The following MAPKAP1 variants were observed in gnomAD, a reference collection of about 807,000 sequenced individuals.
The protein encoded by MAPKAP1 is target of rapamycin complex 2 subunit MAPKAP1.
A neutral mutation model predicts 65.7 loss-of-function variants in MAPKAP1; 20 were observed. The ratio of observed to expected loss-of-function variants is 0.30; its 90% CI spans 0.21 to 0.44. MAPKAP1 has a LOEUF of 0.44. Ranked by LOEUF, MAPKAP1 falls within the 20% of genes least tolerant of loss-of-function variation. The probability of loss-of-function intolerance (pLI) is 1.00; values close to 1 mark genes in which losing one functional copy is unlikely to be tolerated. For synonymous variants in MAPKAP1, 222 were observed against 244.3 expected, an observed-to-expected ratio of 0.91 and a Z score of 0.85; for missense variants, 423 against 648.0, an observed-to-expected ratio of 0.65 and a Z score of 3.77.
chr9:125,649,153 G>A (rs1312163874), intron 4 of MAPKAP1, among the ~76,000 whole-genome samples: 6 of 152,136 alleles, frequency 3.9e-5, no homozygotes, highest in Non-Finnish European at 8.8e-5. Context: ...AAGGCTGAAT[G>A]TAAAATGACA....
At chr9:125,497,199 G>A (rs1828832495) in intron 8 of MAPKAP1, among the ~76,000 whole-genome samples, 1 of 152,114 alleles carries the variant, frequency 6.6e-6, no homozygotes, top group Non-Finnish European at 1.5e-5. Context: ...CCTCCTGCAT[G>A]ACTACCCACC....
intron 4 of MAPKAP1, 52 bp from the exon 5 acceptor site, chr9:125,585,779 C>A (rs1024114188): frequency 4.5e-6 from 7 of 1,555,788 alleles, no homozygotes; most frequent in African/African-American, 4.1e-5. Flanking sequence ...GTTATACAGA[C>A]CCCACTGCTC....
At chr9:125,629,705 T>C (rs1259634001) in intron 4 of MAPKAP1, among the ~76,000 whole-genome samples, 1 of 152,236 alleles carries the variant, frequency 6.6e-6, no homozygotes, top group African/African-American at 2.4e-5. Context: ...TACATATAGT[T>C]ACTACCATAT....
chr9:125,612,959 C>T (rs1832645539), intron 4 of MAPKAP1, among the ~76,000 whole-genome samples: 2 of 152,214 alleles, frequency 1.3e-5, no homozygotes, highest in Admixed American at 1.3e-4. Context: ...GAAGCAGCTA[C>T]ATCCTGAGAA....
At chr9:125,571,851 G>A (rs574304456) in intron 5 of MAPKAP1, among the ~76,000 whole-genome samples, 44 of 152,108 alleles carry the variant, frequency 2.9e-4, no homozygotes, top group African/African-American at 4.3e-4. Flanking sequence ...CGACGGGAGC[G>A]AGACTCTATC....
Position 125,484,444 on chromosome 9 carries a change from T to A in MAPKAP1, c.1206A>T (p.Leu402=), listed in dbSNP as rs1307018569. 6.2e-7 allele frequency: 1 copy of A among 1,609,258 alleles called. No individual in the cohort carries two copies. Among genetic ancestry groups the A allele is most frequent in the South Asian group, 1.1e-5 (1 of 89,614 alleles). The change falls in exon 9 of 12, where the codon CTA becomes CTT. Residue 402 remains leucine (L), a splice_region_variant and synonymous_variant. Transcript: ENST00000265960. ...CTCATCACCTGCTCACACACTTACC[T>A]AGCTGTACGTCGGTTGTGAATCGCA... is the stretch of plus-strand genomic sequence containing the variant. The part of the protein sequence containing the change: ...HRLRFTTDVQ[L]GISGDKVEID...
chr9:125,547,521 C>T (rs1446238300), intron 6 of MAPKAP1, among the ~76,000 whole-genome samples: 1 of 152,194 alleles, frequency 6.6e-6, no homozygotes, highest in African/African-American at 2.4e-5. Flanking sequence ...AAGCACCTCA[C>T]ACTATGGCTG....
At position 125,503,880 on chromosome 9, in the gene MAPKAP1, C is replaced by CTTTTTTTTT. The variant is rs35867576; in HGVS notation, c.1066+2421_1066+2429dup. Reference sequence around the variant, plus strand: ...TATAGGCACCCGCCACCACGCTTGGCTTTTTTTTTTTTTTTTTTTTTTTTT... The same window carrying CTTTTTTTTT: ...TATAGGCACCCGCCACCACGCTTGGCTTTTTTTTTTTTTTTTTTTTTTTTTTTTTTTTTT... On this transcript the variant is annotated intron_variant, in intron 8 of 11. Coordinates refer to ENST00000265960, the MANE Select transcript of MAPKAP1 (RefSeq NM_001006617.3). Among the ~76,000 whole-genome samples, 567 of 66,204 alleles carry CTTTTTTTTT rather than the reference C, an allele frequency of 8.6e-3. 51 individuals carry two copies. The highest frequency in any genetic ancestry group is 0.026 in the African/African-American group (323 of 12,576). The allele number at this position is 66,204 out of a possible 152,430, so 43.4% of individuals were successfully genotyped here. A position where few individuals can be genotyped will look rare whatever the true frequency, so the allele number is the denominator to read the frequency against.
At chr9:125,530,032 C>T (rs934271113) in intron 7 of MAPKAP1, among the ~76,000 whole-genome samples, 2 of 152,164 alleles carry the variant, frequency 1.3e-5, no homozygotes, top group African/African-American at 4.8e-5. Context: ...TTTAAAATGC[C>T]TTTTACATTG....
At chr9:125,550,166 TG>T (rs145523930) in intron 6 of MAPKAP1, among the ~76,000 whole-genome samples, 1,562 of 152,336 alleles carry the variant, frequency 0.01, 35 homozygotes, top group African/African-American at 0.035. Flanking sequence ...AGACAGGATC[TG>T]GAAATCAAAC....
chr9:125,660,846 T>C (rs1278849824), intron 3 of MAPKAP1, among the ~76,000 whole-genome samples: 2 of 152,292 alleles, frequency 1.3e-5, no homozygotes, highest in East Asian at 3.9e-4. Context: ...TGTTTCTTCC[T>C]GACACAGCCG....
At chr9:125,519,023 T>C (rs1276775728) in intron 7 of MAPKAP1, among the ~76,000 whole-genome samples, 1 of 152,234 alleles carries the variant, frequency 6.6e-6, no homozygotes, top group Non-Finnish European at 1.5e-5. Flanking sequence ...TTTTAAAAAT[T>C]CAATTTTAAA....
intron 4 of MAPKAP1, among the ~76,000 whole-genome samples, chr9:125,645,252 A>C (rs960861597): frequency 6.6e-6 from 1 of 152,212 alleles, no homozygotes; most frequent in African/African-American, 2.4e-5. Context: ...CCCCAACCCC[A>C]GCCTCCTCAC....
intron 4 of MAPKAP1, among the ~76,000 whole-genome samples, chr9:125,625,501 C>G (rs930666716): frequency 2.0e-5 from 3 of 152,084 alleles, no homozygotes; most frequent in Non-Finnish European, 4.4e-5. Flanking sequence ...TTCAATAAAA[C>G]TGAGGTAGGA....
intron 4 of MAPKAP1, among the ~76,000 whole-genome samples, chr9:125,618,980 TA>T (rs1832822003): frequency 6.6e-6 from 1 of 152,064 alleles, no homozygotes; most frequent in Non-Finnish European, 1.5e-5. Flanking sequence ...AAAATTTTTT[TA>T]AATTAGCTGG....
At chr9:125,458,432 T>A (rs1298186048) in intron 10 of MAPKAP1, among the ~76,000 whole-genome samples, 9 of 152,046 alleles carry the variant, frequency 5.9e-5, no homozygotes, top group Non-Finnish European at 1.5e-5. Flanking sequence ...ACGAGCATGC[T>A]GCCTTCAAGC....
intron 10 of MAPKAP1, among the ~76,000 whole-genome samples, chr9:125,463,081 T>C (rs1853556628): frequency 6.6e-6 from 1 of 152,246 alleles, no homozygotes; most frequent in Non-Finnish European, 1.5e-5. Flanking sequence ...AGCCTTGCTT[T>C]CATTAATCTT....
In MAPKAP1 at chr9:125,543,072, G is replaced by T; in HGVS notation, c.945C>A (p.Ser315=). 1 of 1,610,912 alleles carries T rather than the reference G, an allele frequency of 6.2e-7. No homozygotes were observed. Among genetic ancestry groups the T allele is most frequent in the Middle Eastern group, 1.7e-4 (1 of 6,060 alleles). The change falls in exon 7 of 12, where the codon TCC becomes TCA. Residue 315 remains serine, a synonymous_variant. Transcript: ENST00000265960. ...TAACTATCCCACCTGAAACTTTCTG[G>T]GATCCTTTTCTTCGCTTCACTGCCT... ...LLKAVKRRKG[S]QKVSGPQYRL...
intron 1 of MAPKAP1, among the ~76,000 whole-genome samples, chr9:125,703,749 G>A (rs1835673310): frequency 6.7e-6 from 1 of 149,448 alleles, no homozygotes; most frequent in African/African-American, 2.5e-5. Context: ...TCCACCCTGG[G>A]TGATAGAGCA....
Sources: gnomAD v4.1 joint callset for allele counts (sites outside exome capture counted in the v4.1 genomes callset) on GRCh38, gnomAD v4.1.1 for gene constraint, MANE v1.5 for transcripts, NCBI Gene and HGNC (gene_info 2026-07-23, HGNC 2026-07-21) for gene names.